The following MMP26 variants were observed in gnomAD, a reference collection of about 807,000 sequenced individuals.
MMP26 encodes matrix metallopeptidase 26.
In MMP26, 33 loss-of-function variants were observed where a neutral mutation model predicts 31.0. The observed-to-expected ratio is 1.06, with a 90% confidence interval of 0.81 to 1.42. MMP26 has a LOEUF of 1.42. Among genes scored for constraint, MMP26 ranks in the 40% most tolerant of loss-of-function variants. The pLI, the probability that MMP26 is intolerant of heterozygous loss-of-function variation, is 0.00. For missense variants in MMP26, 347 were observed against 316.1 expected, an observed-to-expected ratio of 1.10 and a Z score of -0.74; for synonymous variants, 122 against 114.9, an observed-to-expected ratio of 1.06 and a Z score of -0.40.
chr11:4,768,076 A>ATC (rs768694837), intron 2 of MMP26, among the ~76,000 whole-genome samples: 28,271 of 152,268 alleles, frequency 0.19, 4,002 homozygotes, highest in African/African-American at 0.4. Flanking sequence ...CATTTGTGAA[A>ATC]ACTGTGAAAA....
In MMP26 at chr11:4,986,124, G is replaced by A. The variant is rs189362819; in HGVS notation, c.-144-1944G>A. Among the ~76,000 whole-genome samples the A allele has an allele frequency of 1.1e-3, 173 of 152,140 alleles. 2 individuals are homozygous for A. The Middle Eastern group carries it at 0.054, about 48-fold the overall frequency. ...TTTAATCCTGTTGATGAAGTATTTC[G>A]TTAATAGATTTGAAGCGAATTTTCT... On this transcript the variant is annotated intron_variant, in intron 2 of 7. Transcript: ENST00000380390.
chr11:4,725,163 C>G (rs537761491), intron 1 of MMP26, among the ~76,000 whole-genome samples: 1 of 152,240 alleles, frequency 6.6e-6, no homozygotes, highest in African/African-American at 2.4e-5. Flanking sequence ...TGAGGCCTGC[C>G]CAGCACCATG....
intron 1 of MMP26, among the ~76,000 whole-genome samples, chr11:4,734,511 C>A (rs1848211670): frequency 6.6e-6 from 1 of 152,054 alleles, no homozygotes; most frequent in South Asian, 2.1e-4. Context: ...TGGATAAAGG[C>A]ATTTACAGCT....
intron 2 of MMP26, among the ~76,000 whole-genome samples, chr11:4,866,088 A>T (rs1262176287): frequency 1.3e-5 from 2 of 152,120 alleles, no homozygotes; most frequent in Non-Finnish European, 2.9e-5. Flanking sequence ...TTTCTGCCTC[A>T]ATATTGGCAT....
chr11:4,915,779 C>T (rs1054779036), intron 2 of MMP26: 2 of 643,644 alleles, frequency 3.1e-6, no homozygotes, highest in Admixed American at 2.9e-5. Flanking sequence ...TCAAATATAC[C>T]TAGAACTGTG....
chr11:4,741,424 G>T (rs1848309951), intron 1 of MMP26, among the ~76,000 whole-genome samples: 1 of 152,132 alleles, frequency 6.6e-6, no homozygotes, highest in Non-Finnish European at 1.5e-5. Context: ...GTGATATACT[G>T]GGTAAAGAAA....
At chr11:4,935,160 C>T (rs1402909906) in intron 2 of MMP26, among the ~76,000 whole-genome samples, 1 of 151,706 alleles carries the variant, frequency 6.6e-6, no homozygotes, top group Non-Finnish European at 1.5e-5. Flanking sequence ...TGTAAACTAC[C>T]TTGGGCAGTA....
intron 2 of MMP26, among the ~76,000 whole-genome samples, chr11:4,826,508 C>G (rs1173273628): frequency 1.3e-5 from 2 of 152,064 alleles, no homozygotes; most frequent in Non-Finnish European, 2.9e-5. Flanking sequence ...GGAGAACAAG[C>G]TCAGTGGTGA....
At chr11:4,747,005 G>A (rs949245768) in intron 1 of MMP26, among the ~76,000 whole-genome samples, 1 of 152,140 alleles carries the variant, frequency 6.6e-6, no homozygotes, top group African/African-American at 2.4e-5. Flanking sequence ...GTTTGAAGTA[G>A]GGTAGGGTGA....
At chr11:4,715,400 G>C (rs1025115108) in intron 1 of MMP26, among the ~76,000 whole-genome samples, 1 of 150,240 alleles carries the variant, frequency 6.7e-6, no homozygotes, top group Non-Finnish European at 1.5e-5. Context: ...ACTTGACTTA[G>C]AGTAGGTGAT....
chr11:4,793,557 G>A (rs1012872430), intron 2 of MMP26, among the ~76,000 whole-genome samples: 10 of 152,108 alleles, frequency 6.6e-5, no homozygotes, highest in African/African-American at 2.4e-4. Flanking sequence ...TTTAAAAACA[G>A]TACTTGAATA....
Position 4,721,473 on chromosome 11 carries a change from C to T in MMP26, c.-217+16428C>T, listed in dbSNP as rs546929596. ...CCTCCACCACTTCAGGTCTCCTGTG[C>T]AATGGCCAGCAACAGAGTTTCAAGT... On this transcript the variant is annotated intron_variant, in intron 1 of 7. Transcript: ENST00000380390. 2.8e-4 allele frequency among the ~76,000 whole-genome samples: 42 copies of T among 152,350 alleles called. 2 individuals are homozygous for T. Among genetic ancestry groups the T allele is most frequent in the African/African-American group, 8.7e-4 (36 of 41,586 alleles).
At chr11:4,870,627 T>C (rs1850298139) in intron 2 of MMP26, among the ~76,000 whole-genome samples, 2 of 152,102 alleles carry the variant, frequency 1.3e-5, no homozygotes, top group Admixed American at 1.3e-4. Context: ...GGCTTAGATA[T>C]GAAGAAGAGA....
At chr11:4,767,484 T>C (rs565185573) in intron 2 of MMP26, 143 bp downstream of exon 2, 3 of 152,348 alleles carry the variant, frequency 2.0e-5, no homozygotes, top group Non-Finnish European at 4.4e-5. Flanking sequence ...CTTTTATTTT[T>C]TGTTGTTTCC....
At chr11:4,906,290 G>T (rs1181434702) in intron 2 of MMP26, among the ~76,000 whole-genome samples, 1 of 152,164 alleles carries the variant, frequency 6.6e-6, no homozygotes, top group Non-Finnish European at 1.5e-5. Flanking sequence ...ACAGATACTT[G>T]TTTGTGGTTT....
chr11:4,786,032 A>G (rs1215452859), intron 2 of MMP26, among the ~76,000 whole-genome samples: 1 of 152,050 alleles, frequency 6.6e-6, no homozygotes, highest in African/African-American at 2.4e-5. Flanking sequence ...CCTTTTCTCC[A>G]ATCTTGATGG....
At chr11:4,755,240 G>A (rs11033719) in intron 1 of MMP26, among the ~76,000 whole-genome samples, 3 of 151,888 alleles carry the variant, frequency 2.0e-5, no homozygotes, top group Non-Finnish European at 1.5e-5. Context: ...AAAGAAAAAA[G>A]AAAAAAAACA....
intron 2 of MMP26, among the ~76,000 whole-genome samples, chr11:4,972,749 G>A (rs1216555916): frequency 6.6e-6 from 1 of 152,072 alleles, no homozygotes; most frequent in African/African-American, 2.4e-5. Flanking sequence ...GTGAAACCTG[G>A]GAATACATTT....
intron 2 of MMP26, among the ~76,000 whole-genome samples, chr11:4,884,541 A>T (rs1850522860): frequency 6.6e-6 from 1 of 152,122 alleles, no homozygotes; most frequent in Non-Finnish European, 1.5e-5. Context: ...CTTAGAGAGT[A>T]TCATACTATG....
Sources: gnomAD v4.1 joint callset for allele counts (sites outside exome capture counted in the v4.1 genomes callset) on GRCh38, gnomAD v4.1.1 for gene constraint, MANE v1.5 for transcripts, NCBI Gene and HGNC (gene_info 2026-07-23, HGNC 2026-07-21) for gene names.